The following FOXN3 variants were observed in gnomAD, a reference collection of about 807,000 sequenced individuals.
FOXN3 encodes forkhead box protein N3.
FOXN3 carries 7 observed loss-of-function variants against 38.4 expected under a neutral mutation model. The observed-to-expected ratio is 0.18, with a 90% CI of 0.10 to 0.34. The LOEUF (loss-of-function observed/expected upper bound fraction) is 0.34, where lower values mean the gene tolerates loss of function less well. Among genes scored for constraint, FOXN3 ranks in the 10% least tolerant of loss-of-function variants. FOXN3 has a pLI of 1.00. For synonymous variants in FOXN3, 230 were observed against 242.2 expected (o/e 0.95, Z 0.47); for missense variants, 456 against 613.4 (o/e 0.74, Z 2.71).
intron 1 of FOXN3, among the ~76,000 whole-genome samples, chr14:89,491,295 T>TGGTTAAGCATGGGTAA (rs1893570499): frequency 6.6e-6 from 1 of 152,198 alleles, no homozygotes; most frequent in South Asian, 2.1e-4. Context: ...CTTAATACAA[T>TGGTTAAGCATGGGTAA]GCAATATGTG....
chr14:89,430,411 GCA>G (rs1048610157), intron 1 of FOXN3, among the ~76,000 whole-genome samples: 13 of 152,162 alleles, frequency 8.5e-5, no homozygotes, highest in Non-Finnish European at 1.8e-4. Context: ...GGCTTTTTCA[GCA>G]CAGATAAACA....
rs77111575 is a variant in FOXN3 at position 89,214,572 on chromosome 14, T to C, written c.746-33766A>G. ...CAGCTTTTGTAAGTCAAGTTGGTGA[T>C]AGTCTTCACTCAATTACGGCCGTGA... is the stretch of plus-strand genomic sequence containing the variant. On this transcript the variant is annotated intron_variant, in intron 4 of 5. Coordinates refer to ENST00000557258, the MANE Select transcript of FOXN3 (RefSeq NM_005197.4). Among the ~76,000 whole-genome samples, 156 of 152,340 alleles carry C rather than the reference T, an allele frequency of 1.0e-3. 1 individual carries two copies. The East Asian group carries it at 0.028, about 27-fold the overall frequency.
At chr14:89,313,278 C>T (rs1225095424) in intron 3 of FOXN3, among the ~76,000 whole-genome samples, 1 of 152,154 alleles carries the variant, frequency 6.6e-6, no homozygotes, top group Non-Finnish European at 1.5e-5. Flanking sequence ...TATGAACTGA[C>T]AAGACTGCCG....
At chr14:89,283,819 T>A (rs903610147) in intron 3 of FOXN3, among the ~76,000 whole-genome samples, 3 of 152,160 alleles carry the variant, frequency 2.0e-5, no homozygotes, top group Admixed American at 6.5e-5. Flanking sequence ...TTCCATGGAA[T>A]CCTCTAATTC....
Position 89,250,088 on chromosome 14 carries a change from T to C in FOXN3, c.745+30862A>G, listed in dbSNP as rs139549868. ...GTGCCAAACCCTGAACCAATTTGAC[T>C]GAACATGATGGAGGTTTTCTGGTTT... On this transcript the variant is annotated intron_variant, in intron 4 of 5. Coordinates refer to ENST00000557258, the MANE Select transcript of FOXN3 (RefSeq NM_005197.4). Among the ~76,000 whole-genome samples the C allele has an allele frequency of 3.9e-5, 6 of 152,322 alleles. No homozygotes were observed. The East Asian group carries it at 1.2e-3, about 29-fold the overall frequency.
intron 1 of FOXN3, among the ~76,000 whole-genome samples, chr14:89,497,259 T>G (rs1796450348): frequency 6.6e-6 from 1 of 152,068 alleles, no homozygotes; most frequent in Non-Finnish European, 1.5e-5. Context: ...CCAGCCAATT[T>G]TCTTCCATTT....
At chr14:89,337,465 T>C (rs931497600) in intron 3 of FOXN3, among the ~76,000 whole-genome samples, 17 of 152,208 alleles carry the variant, frequency 1.1e-4, no homozygotes, top group Middle Eastern at 3.4e-3. Context: ...ACTTTTCCCA[T>C]TATGACTGGG....
chr14:89,391,059 A>C (rs1566975535), intron 2 of FOXN3, among the ~76,000 whole-genome samples: 1 of 152,118 alleles, frequency 6.6e-6, no homozygotes, highest in East Asian at 1.9e-4. Context: ...CATACAGAAA[A>C]CTGTCTTTCC....
intron 2 of FOXN3, among the ~76,000 whole-genome samples, chr14:89,410,727 G>C (rs1253767851): frequency 1.3e-5 from 2 of 151,972 alleles, no homozygotes; most frequent in African/African-American, 2.4e-5. Context: ...ATAAAAATTA[G>C]CAGGGTGTAG....
At chr14:89,613,170 T>C (rs959239533) in intron 1 of FOXN3, among the ~76,000 whole-genome samples, 1 of 149,368 alleles carries the variant, frequency 6.7e-6, no homozygotes, top group Non-Finnish European at 1.5e-5. Context: ...TCTAAACTTG[T>C]ATAATATACT....
intron 4 of FOXN3, among the ~76,000 whole-genome samples, chr14:89,214,590 G>C (rs1884211280): frequency 6.6e-6 from 1 of 152,126 alleles, no homozygotes; most frequent in Non-Finnish European, 1.5e-5. Flanking sequence ...ACTCAATTAC[G>C]GCCGTGAAAA....
At chr14:89,615,637 T>A (rs1253100265) in intron 1 of FOXN3, among the ~76,000 whole-genome samples, 1 of 152,206 alleles carries the variant, frequency 6.6e-6, no homozygotes, top group Non-Finnish European at 1.5e-5. Flanking sequence ...GCAACTGACA[T>A]GTTTCCTGCC....
intron 2 of FOXN3, among the ~76,000 whole-genome samples, chr14:89,384,407 T>A (rs957633217): frequency 6.6e-6 from 1 of 152,234 alleles, no homozygotes; most frequent in Non-Finnish European, 1.5e-5. Context: ...TGAGTCTGCA[T>A]CTGACAACCA....
At chr14:89,198,818 T>C (rs1300477699) in intron 4 of FOXN3, among the ~76,000 whole-genome samples, 1 of 152,230 alleles carries the variant, frequency 6.6e-6, no homozygotes, top group African/African-American at 2.4e-5. Context: ...CACAGATACA[T>C]GTGGTATGAT....
At chr14:89,584,754 C>T (rs1471797442) in intron 1 of FOXN3, among the ~76,000 whole-genome samples, 4 of 151,826 alleles carry the variant, frequency 2.6e-5, no homozygotes, top group Admixed American at 6.6e-5. Context: ...ACTCTGTCGC[C>T]CAGGCTGGAG....
intron 1 of FOXN3, among the ~76,000 whole-genome samples, chr14:89,607,817 C>CT (rs112564229): frequency 7.5e-5 from 11 of 147,120 alleles, no homozygotes; most frequent in African/African-American, 2.7e-4. Flanking sequence ...TACATGCTAT[C>CT]TTTTTTTTTT....
At chr14:89,253,595 G>T (rs1483066398) in intron 4 of FOXN3, among the ~76,000 whole-genome samples, 1 of 151,814 alleles carries the variant, frequency 6.6e-6, no homozygotes, top group Non-Finnish European at 1.5e-5. Context: ...CCTTTCTTTG[G>T]GCTACAGCAC....
chr14:89,211,096 A>C (rs1254479677), intron 4 of FOXN3, among the ~76,000 whole-genome samples: 1 of 152,218 alleles, frequency 6.6e-6, no homozygotes, highest in Non-Finnish European at 1.5e-5. Flanking sequence ...TTCTTTAAAA[A>C]GTTTCATTAC....
intron 1 of FOXN3, among the ~76,000 whole-genome samples, chr14:89,413,693 G>A (rs1237110608): frequency 1.4e-5 from 2 of 140,196 alleles, no homozygotes; most frequent in African/African-American, 2.7e-5. Flanking sequence ...GGAAGGGAAC[G>A]GAAGAGAAGG....
Sources: gnomAD v4.1 joint callset for allele counts (sites outside exome capture counted in the v4.1 genomes callset) on GRCh38, gnomAD v4.1.1 for gene constraint, MANE v1.5 for transcripts, NCBI Gene and HGNC (gene_info 2026-07-23, HGNC 2026-07-21) for gene names.